The following TEAD1 variants were observed in gnomAD, a reference collection of about 807,000 sequenced individuals.
The protein encoded by TEAD1 is transcriptional enhancer factor TEF-1.
TEAD1 carries 9 observed loss-of-function variants against 54.9 expected under a neutral mutation model. The observed-to-expected ratio is 0.16, with a 90% CI of 0.10 to 0.29. The LOEUF is 0.29. TEAD1 is among the 10% of genes least tolerant of loss of function. The pLI, the probability that TEAD1 is intolerant of heterozygous loss-of-function variation, is 1.00. For synonymous variants in TEAD1, 200 were observed against 187.8 expected (o/e 1.07, Z -0.53); for missense variants, 387 against 535.9 (o/e 0.72, Z 2.74).
intron 3 of TEAD1, among the ~76,000 whole-genome samples, chr11:12,785,642 G>T (rs61878760): frequency 1.3e-5 from 2 of 152,058 alleles, no homozygotes; most frequent in African/African-American, 4.8e-5. Context: ...TACCGTCCTG[G>T]TCCTATGGCC....
At chr11:12,713,561 G>C (rs976518406) in intron 2 of TEAD1, among the ~76,000 whole-genome samples, 1 of 152,178 alleles carries the variant, frequency 6.6e-6, no homozygotes, top group Non-Finnish European at 1.5e-5. Flanking sequence ...GTTAGAAGGG[G>C]TTCCCAAACT....
chr11:12,724,536 TC>T (rs904151715), intron 2 of TEAD1, among the ~76,000 whole-genome samples: 2 of 152,216 alleles, frequency 1.3e-5, no homozygotes, highest in Non-Finnish European at 2.9e-5. Flanking sequence ...TGATGACTCA[TC>T]CTCTGAATGC....
rs114577820 is a variant in TEAD1, at chr11:12,899,142, A to G, written c.700-2798A>G. Among the ~76,000 whole-genome samples, 1,036 of 152,316 alleles carry G rather than the reference A, an allele frequency of 6.8e-3. 9 individuals carry two copies. Among genetic ancestry groups the G allele is most frequent in the African/African-American group, 0.024 (983 of 41,568 alleles). ...CTGGGATTCAGCTCAGTGAGTCCCTAAGGCTTGTATCTCATGCCTTCCATA... is the reference window on the plus strand; with the variant it reads ...CTGGGATTCAGCTCAGTGAGTCCCTGAGGCTTGTATCTCATGCCTTCCATA... On this transcript the variant is annotated intron_variant, in intron 9 of 12. Transcript: ENST00000527636.
intron 4 of TEAD1, among the ~76,000 whole-genome samples, chr11:12,863,405 G>A (rs189318944): frequency 9.7e-4 from 147 of 152,278 alleles, no homozygotes; most frequent in Non-Finnish European, 1.9e-3. Context: ...ACAAAATTCG[G>A]GTGAAAACAA....
intron 3 of TEAD1, among the ~76,000 whole-genome samples, chr11:12,795,444 T>C (rs946014777): frequency 1.3e-5 from 2 of 152,192 alleles, no homozygotes; most frequent in African/African-American, 4.8e-5. Context: ...ATAACTCTCA[T>C]GTTGCATACA....
At chr11:12,705,356 G>A (rs900389008) in intron 2 of TEAD1, among the ~76,000 whole-genome samples, 1 of 152,168 alleles carries the variant, frequency 6.6e-6, no homozygotes, top group Non-Finnish European at 1.5e-5. Context: ...CAAAACCTGC[G>A]TGAAAATAGT....
At chr11:12,712,769 C>T (rs931257298) in intron 2 of TEAD1, among the ~76,000 whole-genome samples, 2 of 152,110 alleles carry the variant, frequency 1.3e-5, no homozygotes, top group African/African-American at 2.4e-5. Flanking sequence ...AATCCAGTAT[C>T]TTTGGGATTG....
At chr11:12,849,401 A>G (rs184485027) in intron 3 of TEAD1, 2 of 152,292 alleles carry the variant, frequency 1.3e-5, no homozygotes, top group East Asian at 3.9e-4. Context: ...ATAGTGTTTC[A>G]TTTAGCTTAT....
At chr11:12,686,225 T>A (rs1043441019) in intron 2 of TEAD1, among the ~76,000 whole-genome samples, 1 of 152,204 alleles carries the variant, frequency 6.6e-6, no homozygotes, top group African/African-American at 2.4e-5. Flanking sequence ...TCAGGGAAAC[T>A]GGCAGACTAG....
At chr11:12,827,475 G>A (rs567705257) in intron 3 of TEAD1, among the ~76,000 whole-genome samples, 1 of 152,252 alleles carries the variant, frequency 6.6e-6, no homozygotes, top group East Asian at 1.9e-4. Flanking sequence ...GTGTGGATGA[G>A]AACACTTAGT....
intron 2 of TEAD1, among the ~76,000 whole-genome samples, chr11:12,745,002 C>T (rs956003172): frequency 4.3e-4 from 66 of 152,080 alleles, no homozygotes; most frequent in Non-Finnish European, 7.1e-4. Flanking sequence ...GGAAGGTTAC[C>T]TGTGGCTCTC....
rs1949178335 is a variant in TEAD1, at chr11:12,943,379, C to T, written c.*6157C>T. 2 of 152,520 alleles carry T rather than the reference C, an allele frequency of 1.3e-5. No homozygotes were observed. The highest frequency in any genetic ancestry group is 4.8e-5 in the African/African-American group (2 of 41,388). The allele number at this position is 152,520 out of a possible 1,614,324, so 9.4% of individuals were successfully genotyped here. A position where few individuals can be genotyped will look rare whatever the true frequency, so the allele number is the denominator to read the frequency against. ...TGAAAGTAGTTTTCTCTCTCAAAGC[C>T]GTTGCTTATATCGTTAAGAATGAAG... is the stretch of plus-strand genomic sequence containing the variant. On this transcript the variant is annotated 3_prime_UTR_variant, in exon 13 of 13. Coordinates refer to ENST00000527636, the MANE Select transcript of TEAD1 (RefSeq NM_021961.6).
chr11:12,880,933 G>A, intron 6 of TEAD1, 72 bp from the exon 7 acceptor site: 1 of 1,543,544 alleles, frequency 6.5e-7, no homozygotes, highest in Non-Finnish European at 9.0e-7. Flanking sequence ...CAGGGGTTGT[G>A]ATGCGTAGGC....
chr11:12,742,153 G>A (rs1307578111), intron 2 of TEAD1, among the ~76,000 whole-genome samples: 1 of 152,210 alleles, frequency 6.6e-6, no homozygotes, highest in Non-Finnish European at 1.5e-5. Flanking sequence ...ATTACCTCTA[G>A]TGATGGGAGG....
intron 12 of TEAD1, among the ~76,000 whole-genome samples, chr11:12,935,251 T>G (rs535217599): frequency 2.0e-5 from 3 of 152,120 alleles, no homozygotes; most frequent in African/African-American, 7.2e-5. Context: ...TTGAGAGCTC[T>G]CTGCGTGGTG....
Position 12,882,973 on chromosome 11 carries a change from G to T in TEAD1, c.575-28G>T, listed in dbSNP as rs377501285. On this transcript the variant is annotated intron_variant, in intron 8 of 12. Transcript: ENST00000527636. ...AGGCCCAAGGGGAGGTGAGTGACCA[G>T]CATCAAAGGTGACGATTGCTCTTTC... 6 of 1,614,002 alleles carry T rather than the reference G, an allele frequency of 3.7e-6. No homozygotes were observed. The African/African-American group carries it at 8.0e-5, about 22-fold the overall frequency.
At chr11:12,749,441 G>T (rs1224856693) in intron 2 of TEAD1, among the ~76,000 whole-genome samples, 1 of 152,148 alleles carries the variant, frequency 6.6e-6, no homozygotes, top group African/African-American at 2.4e-5. Flanking sequence ...AAAGAAATTT[G>T]TGTGTGTGTG....
intron 4 of TEAD1, among the ~76,000 whole-genome samples, chr11:12,863,963 ATGGC>A (rs1947558873): frequency 6.6e-6 from 1 of 152,002 alleles, no homozygotes; most frequent in Admixed American, 6.6e-5. Context: ...TTTTAACAGG[ATGGC>A]TGGCTGGCTG....
intron 2 of TEAD1, among the ~76,000 whole-genome samples, chr11:12,717,446 C>T (rs1188805274): frequency 6.6e-6 from 1 of 152,196 alleles, no homozygotes. Flanking sequence ...AATTACACCT[C>T]CACAGAAATC....
Sources: allele counts gnomAD v4.1 joint callset (sites outside exome capture counted in the v4.1 genomes callset), GRCh38; gene constraint gnomAD v4.1.1; transcripts MANE v1.5; gene names NCBI Gene and HGNC (gene_info 2026-07-23, HGNC 2026-07-21).